The following KAT6B variants were observed in gnomAD, a reference collection of about 807,000 sequenced individuals.
The protein encoded by KAT6B is lysine acetyltransferase 6B, also known as histone acetyltransferase KAT6B.
In KAT6B, 10 loss-of-function variants were observed where a neutral mutation model predicts 187.5. That is an observed-to-expected ratio of 0.05 (90% CI 0.03 to 0.09). The LOEUF (loss-of-function observed/expected upper bound fraction) is 0.09, where lower values mean the gene tolerates loss of function less well. Ranked by LOEUF, KAT6B falls within the 10% of genes least tolerant of loss-of-function variation. KAT6B has a pLI of 1.00. For synonymous variants in KAT6B, 861 were observed against 926.8 expected (o/e 0.93, Z 1.29); for missense variants, 1,952 against 2,558.9 (o/e 0.76, Z 5.12).
chr10:75,004,055 G>GT lies in KAT6B; in HGVS notation c.2629+14955dup, dbSNP rs545654039. On this transcript the variant is annotated intron_variant, in intron 13 of 17. Transcript: ENST00000287239. ...TCAAGTTTTGGCATGCAGGTGGTTG[G>GT]TTTTTTTTTTTTACCAAACAAATTT... 6.7e-3 allele frequency among the ~76,000 whole-genome samples: 953 copies of GT among 142,418 alleles called. 7 individuals carry two copies. Among genetic ancestry groups the GT allele is most frequent in the African/African-American group, 7.2e-3 (284 of 39,176 alleles). 93.4% of individuals were successfully genotyped at this position (142,418 alleles called of 152,430 possible). A position where few individuals can be genotyped will look rare whatever the true frequency, so the allele number is the denominator to read the frequency against.
At chr10:74,903,990 A>G (rs1416060184) in intron 3 of KAT6B, among the ~76,000 whole-genome samples, 1 of 152,194 alleles carries the variant, frequency 6.6e-6, no homozygotes, top group Non-Finnish European at 1.5e-5. Context: ...TCAGTACATT[A>G]TCTCCCTTAA....
intron 3 of KAT6B, among the ~76,000 whole-genome samples, chr10:74,876,927 T>G (rs569074030): frequency 9.9e-5 from 15 of 151,774 alleles, no homozygotes; most frequent in Admixed American, 2.6e-4. Context: ...ATAAAATAAA[T>G]AAAATAAAGA....
intron 1 of KAT6B, 100 bp from the exon 2 acceptor site, chr10:74,838,583 G>C (rs1367612778): frequency 6.6e-6 from 1 of 152,144 alleles, no homozygotes; most frequent in Non-Finnish European, 1.5e-5. Context: ...ATAACTCATT[G>C]GAGCTGTTTG....
chr10:75,017,323 T>C (rs1258896232), intron 13 of KAT6B, among the ~76,000 whole-genome samples: 1 of 152,166 alleles, frequency 6.6e-6, no homozygotes, highest in African/African-American at 2.4e-5. Context: ...ATCATAATTA[T>C]GTTGTGAAGA....
At chr10:74,903,455 G>T (rs1654182527) in intron 3 of KAT6B, among the ~76,000 whole-genome samples, 1 of 152,206 alleles carries the variant, frequency 6.6e-6, no homozygotes, top group African/African-American at 2.4e-5. Context: ...CTGCGAAGAT[G>T]AAAGGGACCA....
In KAT6B at chr10:74,960,071, C is replaced by T; in HGVS notation, c.723C>T (p.Gly241=). ...PEELLSCADC[G]SSGHPSCLKF... is the part of the protein sequence containing the mutation. Reference sequence around the variant, plus strand: ...AACTCCTCTCTTGTGCAGATTGTGGCAGTAGTGGTAAGTTGTGTTTTTCCT... The same window carrying T: ...AACTCCTCTCTTGTGCAGATTGTGGTAGTAGTGGTAAGTTGTGTTTTTCCT... The change falls in exon 4 of 18, where the codon GGC becomes GGT. Residue 241 remains glycine (G), a synonymous_variant. Coordinates refer to ENST00000287239, the MANE Select transcript of KAT6B (RefSeq NM_012330.4). The T allele has an allele frequency of 6.3e-7, 1 of 1,598,352 alleles. No homozygotes were observed. Among genetic ancestry groups the T allele is most frequent in the Non-Finnish European group, 8.6e-7 (1 of 1,165,740 alleles).
intron 3 of KAT6B, among the ~76,000 whole-genome samples, chr10:74,853,236 C>G (rs1267392314): frequency 6.6e-6 from 1 of 151,390 alleles, no homozygotes; most frequent in Non-Finnish European, 1.5e-5. Context: ...ATCCTCCCAC[C>G]TCAGCCTCCT....
At chr10:74,924,411 T>C (rs1848347232) in intron 3 of KAT6B, among the ~76,000 whole-genome samples, 1 of 152,224 alleles carries the variant, frequency 6.6e-6, no homozygotes, top group Non-Finnish European at 1.5e-5. Context: ...GTTTGGTGAC[T>C]AATTGGGTTA....
At chr10:74,895,885 G>A (rs966735534) in intron 3 of KAT6B, among the ~76,000 whole-genome samples, 5 of 151,872 alleles carry the variant, frequency 3.3e-5, no homozygotes, top group African/African-American at 1.2e-4. Context: ...CCCTTCCTAT[G>A]TCCAAAGATT....
At position 75,022,055 on chromosome 10, in the gene KAT6B, A is replaced by G. The variant is rs1845452074; in HGVS notation, c.3196A>G (p.Lys1066Glu). The G allele has an allele frequency of 6.2e-7, 1 of 1,613,926 alleles. No individual in the cohort carries two copies. The highest frequency in any genetic ancestry group is 1.3e-5 in the African/African-American group (1 of 75,008). The change falls in exon 16 of 18, where the codon AAA (lysine) becomes GAA (glutamate). Residue 1066 changes from lysine to glutamate, a missense_variant. This residue lies in a region of KAT6B where 758 missense variants were observed against 891.4 expected (regional missense o/e 0.85). Coordinates refer to ENST00000287239, the MANE Select transcript of KAT6B (RefSeq NM_012330.4). ...GERGQLLELS[K>E]ESSEEEEEEE... ...GCGAGGGCAGCTGCTGGAGCTGTCT[A>G]AAGAGAGCAGTGAAGAAGAAGAGGA...
chr10:74,826,049 C>T (rs536795574), upstream of KAT6B, among the ~76,000 whole-genome samples: 70 of 151,574 alleles, frequency 4.6e-4, no homozygotes, highest in African/African-American at 1.7e-3. Flanking sequence ...CCCGCCCGCG[C>T]GCGCCCGCCC....
chr10:74,919,874 A>T (rs1847985761), intron 3 of KAT6B, among the ~76,000 whole-genome samples: 1 of 152,172 alleles, frequency 6.6e-6, no homozygotes, highest in Non-Finnish European at 1.5e-5. Flanking sequence ...TAGTTATAGA[A>T]TTTTTATTTA....
chr10:74,987,304 C>T (rs1423751093), intron 12 of KAT6B, among the ~76,000 whole-genome samples: 1 of 151,946 alleles, frequency 6.6e-6, no homozygotes, highest in East Asian at 1.9e-4. Context: ...GGCATTGTGG[C>T]ACCCTGTAAT....
chr10:74,844,615 C>T (rs963675881), intron 3 of KAT6B, among the ~76,000 whole-genome samples: 1 of 152,188 alleles, frequency 6.6e-6, no homozygotes, highest in African/African-American at 2.4e-5. Flanking sequence ...TATTTTGTCT[C>T]ATACAGTATC....
At chr10:74,935,359 A>AGAAAAT (rs1849187512) in intron 3 of KAT6B, among the ~76,000 whole-genome samples, 1 of 151,546 alleles carries the variant, frequency 6.6e-6, no homozygotes, top group Non-Finnish European at 1.5e-5. Context: ...TATCTTTTTT[A>AGAAAAT]GAAAATGAAA....
At chr10:74,899,291 T>TTATTA (rs1846218901) in intron 3 of KAT6B, among the ~76,000 whole-genome samples, 1 of 89,930 alleles carries the variant, frequency 1.1e-5, no homozygotes, top group Non-Finnish European at 2.9e-5. Flanking sequence ...TATTATTATT[T>TTATTA]GAGACGGAGT....
intron 3 of KAT6B, among the ~76,000 whole-genome samples, chr10:74,926,034 A>C (rs1354830233): frequency 6.6e-6 from 1 of 152,238 alleles, no homozygotes; most frequent in Non-Finnish European, 1.5e-5. Context: ...TCCCCTACCT[A>C]CATAAATGCA....
intron 3 of KAT6B, among the ~76,000 whole-genome samples, chr10:74,890,472 G>A (rs1042241570): frequency 1.3e-5 from 2 of 151,958 alleles, no homozygotes; most frequent in African/African-American, 2.4e-5. Context: ...AATCCCGTCC[G>A]TACTAATAAT....
At chr10:74,942,270 A>G (rs569630061) in intron 3 of KAT6B, among the ~76,000 whole-genome samples, 22 of 152,346 alleles carry the variant, frequency 1.4e-4, no homozygotes, top group African/African-American at 5.3e-4. Context: ...TATAAAAAGG[A>G]TAATACATTT....
Sources: allele counts gnomAD v4.1 joint callset (sites outside exome capture counted in the v4.1 genomes callset), GRCh38; gene constraint gnomAD v4.1.1; regional missense constraint gnomAD v4.1.1; transcripts MANE v1.5; gene names NCBI Gene and HGNC (gene_info 2026-07-23, HGNC 2026-07-21).